SIAH3: variants seen among roughly 807,000 people sequenced by gnomAD.
SIAH3 encodes the protein seven in absentia homolog 3.
In SIAH3, 9 loss-of-function variants were observed where a neutral mutation model predicts 12.6. The observed-to-expected ratio is 0.72, with a 90% CI of 0.43 to 1.25. SIAH3 has a LOEUF of 1.25. Ranked by LOEUF, SIAH3 falls within the 50% of genes most tolerant of loss-of-function variation. The probability of loss-of-function intolerance (pLI) is 0.00; values close to 1 mark genes in which losing one functional copy is unlikely to be tolerated. For synonymous variants in SIAH3, 154 were observed against 151.1 expected, an observed-to-expected ratio of 1.02 and a Z score of -0.14; for missense variants, 390 against 365.4, an observed-to-expected ratio of 1.07 and a Z score of -0.55.
Position 45,783,667 on chromosome 13 carries a change from TCTC to T in SIAH3, c.523_525del (p.Glu175del). 1 of 1,614,030 alleles carries T rather than the reference TCTC, an allele frequency of 6.2e-7. No individual in the cohort carries two copies. Among genetic ancestry groups the T allele is most frequent in the Non-Finnish European group, 8.5e-7 (1 of 1,179,964 alleles). On this transcript the variant is annotated inframe_deletion, in exon 2 of 2. Coordinates refer to ENST00000400405, the MANE Select transcript of SIAH3 (RefSeq NM_198849.3). ...AAGAACTGGGGGTGCCCTTCATGCC[TCTC>T]CTGTTTCCTCAGCACCAACAGAAAG...
In SIAH3 at chr13:45,783,537, C is replaced by G. The variant is rs563820499; in HGVS notation, c.656G>C (p.Arg219Pro). 15 of 1,614,198 alleles carry G rather than the reference C, an allele frequency of 9.3e-6. No homozygotes were observed. In the South Asian group the frequency reaches 1.5e-4, roughly 17 times the overall value. ...CGAGTCCACGCACTCAAGAACAGAC[C>G]GGGGCGTGGCCTCCCACTTGAGGCG... is the stretch of plus-strand genomic sequence containing the variant. ...HRRLKWEATP[R>P]SVLECVDSVI... is the part of the protein sequence containing the mutation. Residue 219 changes from arginine (R) to proline (P), a missense_variant, in exon 2 of 2, where the codon CGG (arginine) becomes CCG (proline). Physicochemically the swap from Arg to Pro is moderately radical, Grantham distance 103 (BLOSUM62 -2). Transcript: ENST00000400405.
chr13:45,784,199 A>C, intron 1 of SIAH3, 142 bp from the exon 2 acceptor site: 1 of 806,828 alleles, frequency 1.2e-6, no homozygotes, highest in Non-Finnish European at 2.0e-6. Flanking sequence ...AAACAAACAA[A>C]CAAACAAACA....
chr13:45,790,440 C>T (rs552711722), intron 1 of SIAH3, among the ~76,000 whole-genome samples: 1 of 152,186 alleles, frequency 6.6e-6, no homozygotes, highest in Admixed American at 6.5e-5. Flanking sequence ...ATTTGCCAGC[C>T]ACAAGGGAAG....
chr13:45,814,372 C>T lies in SIAH3; in HGVS notation c.136-30315G>A, dbSNP rs1404136760. 2.0e-5 allele frequency among the ~76,000 whole-genome samples: 3 copies of T among 151,798 alleles called. No homozygotes were observed. In the East Asian group the frequency reaches 5.8e-4, roughly 29 times the overall value. ...GGCAAGCAAGTTGGCAATTACATTA[C>T]TCAGGAAAAGTGCCACGGTGTGGGG... On this transcript the variant is annotated intron_variant, in intron 1 of 1. Transcript: ENST00000400405.
Position 45,804,693 on chromosome 13 carries a change from C to T in SIAH3, c.136-20636G>A, listed in dbSNP as rs958498951. 9.2e-5 allele frequency among the ~76,000 whole-genome samples: 14 copies of T among 151,888 alleles called. No individual in the cohort carries two copies. In the East Asian group the frequency reaches 2.5e-3, roughly 27 times the overall value. On this transcript the variant is annotated intron_variant, in intron 1 of 1. Transcript: ENST00000400405. ...GGCCACTCTCACTATTCCTATTCAA[C>T]GTAGTATTGGAAGTCCAAGCCAGAG...
intron 1 of SIAH3, among the ~76,000 whole-genome samples, chr13:45,801,332 C>T (rs1298583581): frequency 1.3e-5 from 2 of 152,120 alleles, no homozygotes; most frequent in Non-Finnish European, 2.9e-5. Flanking sequence ...GAGGTGAGCA[C>T]TCCTGGAAGA....
chr13:45,800,621 C>T (rs1053422821), intron 1 of SIAH3, among the ~76,000 whole-genome samples: 5 of 152,174 alleles, frequency 3.3e-5, no homozygotes, highest in African/African-American at 7.2e-5. Flanking sequence ...AGGCCTTATT[C>T]GCTGAGCCTC....
intron 1 of SIAH3, among the ~76,000 whole-genome samples, chr13:45,785,825 G>T (rs972577215): frequency 6.6e-6 from 1 of 152,128 alleles, no homozygotes; most frequent in Non-Finnish European, 1.5e-5. Context: ...ACCCCACCTG[G>T]TTCCCCTTCC....
intron 1 of SIAH3, among the ~76,000 whole-genome samples, chr13:45,821,154 T>C (rs1259437891): frequency 6.6e-6 from 1 of 152,220 alleles, no homozygotes; most frequent in Non-Finnish European, 1.5e-5. Flanking sequence ...CCTAATCTAA[T>C]ATGACTGGTG....
chr13:45,813,014 A>C (rs1950621318), intron 1 of SIAH3, among the ~76,000 whole-genome samples: 1 of 152,226 alleles, frequency 6.6e-6, no homozygotes, highest in South Asian at 2.1e-4. Flanking sequence ...TCTGGATGGT[A>C]GGGAAGTGAG....
chr13:45,817,220 T>C (rs544682218), intron 1 of SIAH3, among the ~76,000 whole-genome samples: 240 of 152,394 alleles, frequency 1.6e-3, no homozygotes, highest in African/African-American at 5.5e-3. Flanking sequence ...AATGTATCTT[T>C]TCTATGTTTA....
intron 1 of SIAH3, among the ~76,000 whole-genome samples, chr13:45,821,858 T>C (rs1048049138): frequency 3.3e-5 from 5 of 152,190 alleles, no homozygotes; most frequent in Admixed American, 3.3e-4. Context: ...CTGTGAAATA[T>C]CTGGAGGTTC....
intron 1 of SIAH3, among the ~76,000 whole-genome samples, chr13:45,802,848 G>C (rs370151953): frequency 2.0e-5 from 3 of 152,078 alleles, no homozygotes; most frequent in African/African-American, 7.2e-5. Context: ...AAGGCAGGTG[G>C]ATCAACTGAG....
At chr13:45,816,194 C>T (rs111409357) in intron 1 of SIAH3, among the ~76,000 whole-genome samples, 1,714 of 152,334 alleles carry the variant, frequency 0.011, 20 homozygotes, top group South Asian at 0.02. Context: ...AAGCTTCATC[C>T]TTGCTGATGT....
At chr13:45,821,142 G>C (rs759579595) in intron 1 of SIAH3, among the ~76,000 whole-genome samples, 1 of 152,194 alleles carries the variant, frequency 6.6e-6, no homozygotes, top group African/African-American at 2.4e-5. Context: ...ATTAAGGTGG[G>C]CCCTAATCTA....
At chr13:45,835,993 A>G (rs146834119) in intron 1 of SIAH3, among the ~76,000 whole-genome samples, 1 of 152,236 alleles carries the variant, frequency 6.6e-6, no homozygotes, top group African/African-American at 2.4e-5. Flanking sequence ...ACCTACATCT[A>G]CTATGCACCC....
intron 1 of SIAH3, among the ~76,000 whole-genome samples, chr13:45,825,890 G>C (rs1415691163): frequency 6.6e-5 from 10 of 152,048 alleles, no homozygotes; most frequent in East Asian, 1.9e-4. Context: ...TCCTCCAAAG[G>C]CTCCCTCCCC....
chr13:45,787,800 T>C (rs1950533279), intron 1 of SIAH3, among the ~76,000 whole-genome samples: 1 of 152,194 alleles, frequency 6.6e-6, no homozygotes, highest in South Asian at 2.1e-4. Context: ...AGCTATGTGC[T>C]TTAGGGAGCT....
chr13:45,848,697 T>C (rs901654268), intron 1 of SIAH3, among the ~76,000 whole-genome samples: 5 of 152,302 alleles, frequency 3.3e-5, no homozygotes, highest in Admixed American at 6.5e-5. Context: ...AACACATAAA[T>C]GCTTCCACAA....
Sources: gnomAD v4.1 joint callset for allele counts (sites outside exome capture counted in the v4.1 genomes callset) on GRCh38, gnomAD v4.1.1 for gene constraint, MANE v1.5 for transcripts, NCBI Gene and HGNC (gene_info 2026-07-23, HGNC 2026-07-21) for gene names.